Variants in SPG11 observed in about 807,000 individuals in gnomAD.
The protein encoded by SPG11 is spatacsin.
SPG11 carries 222 observed loss-of-function variants against 274.0 expected under a neutral mutation model. The observed-to-expected ratio is 0.81, with a 90% confidence interval of 0.73 to 0.91. The LOEUF (loss-of-function observed/expected upper bound fraction) is 0.91, where lower values mean the gene tolerates loss of function less well. SPG11 is among the 40% of genes least tolerant of loss of function. SPG11 has a pLI of 0.00. For missense variants in SPG11, 3,114 were observed against 2,872.7 expected (o/e 1.08, Z -1.92); for synonymous variants, 1,144 against 1,039.7 (o/e 1.10, Z -1.93).
rs531032784 is a variant in SPG11 at position 44,585,855 on chromosome 15, G to A, written c.4907-5C>T. 46 of 1,613,190 alleles carry A rather than the reference G, an allele frequency of 2.9e-5. No individual in the cohort carries two copies. In the South Asian group the frequency reaches 4.6e-4, roughly 16 times the overall value. ...AAAGCTTTTTCACATCTGGACCTGTGCCAAAGAGAAAAGGATATAAACATT... is the reference window on the plus strand; with the variant it reads ...AAAGCTTTTTCACATCTGGACCTGTACCAAAGAGAAAAGGATATAAACATT... On this transcript the variant is annotated splice_polypyrimidine_tract_variant and splice_region_variant and intron_variant, in intron 28 of 39. Transcript: ENST00000261866.
intron 26 of SPG11, among the ~76,000 whole-genome samples, chr15:44,594,233 T>C (rs1473551755): frequency 1.3e-5 from 2 of 150,822 alleles, no homozygotes; most frequent in African/African-American, 2.4e-5. Flanking sequence ...GAGACCAGCC[T>C]GGCCAACATG....
At chr15:44,586,724 T>A (rs78843364) in intron 28 of SPG11, among the ~76,000 whole-genome samples, 3 of 152,190 alleles carry the variant, frequency 2.0e-5, no homozygotes, top group Admixed American at 6.5e-5. Context: ...CAGAGGTTGG[T>A]GGCCTTCAAT....
chr15:44,632,994 G>A (rs2084116102), intron 8 of SPG11, among the ~76,000 whole-genome samples: 4 of 152,030 alleles, frequency 2.6e-5, no homozygotes, highest in Admixed American at 6.6e-5. Context: ...AAAGATATGA[G>A]CAATAAATAC....
chr15:44,628,154 T>C (rs866086520), intron 10 of SPG11, among the ~76,000 whole-genome samples: 9 of 152,232 alleles, frequency 5.9e-5, no homozygotes, highest in Admixed American at 2.0e-4. Context: ...AGTTGTATTA[T>C]AACTTTTACT....
At chr15:44,625,335 TG>T (rs1436777474) in intron 11 of SPG11, among the ~76,000 whole-genome samples, 1 of 152,150 alleles carries the variant, frequency 6.6e-6, no homozygotes, top group African/African-American at 2.4e-5. Flanking sequence ...TTTGGATCTG[TG>T]CCCCTGCCCA....
rs139399250 is a variant in SPG11, at chr15:44,620,260, C to T, written c.2764G>A (p.Val922Ile). 72 of 1,613,934 alleles carry T rather than the reference C, an allele frequency of 4.5e-5. No individual in the cohort carries two copies. Among genetic ancestry groups the T allele is most frequent in the Non-Finnish European group, 6.0e-5 (71 of 1,180,014 alleles). The change falls in exon 15 of 40, where the codon GTT becomes ATT. Residue 922 changes from valine (V) to isoleucine (I), a missense_variant. Val to Ile is a conservative substitution (Grantham distance 29). Transcript: ENST00000261866. ...LQQNKWPLLT[V>I]DVINQNTSCN... ...GAAGTATTCTGGTTAATAACATCAA[C>T]AGTCAGAAGGGGCCATTTGTTCTGC...
At chr15:44,638,630 A>C (rs2084351978) in intron 7 of SPG11, among the ~76,000 whole-genome samples, 1 of 152,154 alleles carries the variant, frequency 6.6e-6, no homozygotes, top group African/African-American at 2.4e-5. Flanking sequence ...TTTAGGGCAC[A>C]AAGGAGCTCC....
In SPG11 at chr15:44,563,293, T is replaced by G. The variant is rs2082232957; in HGVS notation, c.7160A>C (p.Gln2387Pro). 1.2e-6 allele frequency: 2 copies of G among 1,612,658 alleles called. No individual in the cohort carries two copies. Among genetic ancestry groups the G allele is most frequent in the African/African-American group, 1.3e-5 (1 of 74,752 alleles). ...CATGACCATGTCAGTAGGCTGATGT[T>G]GTTTATATCTAGATAAAGAAACATA... ...IFEEISKKYK[Q>P]HQPTDMVMEN... Residue 2387 changes from glutamine (Q) to proline (P), a missense_variant, in exon 40 of 40, where the codon CAA becomes CCA. Transcript: ENST00000261866.
Position 44,625,589 on chromosome 15 carries a change from C to T in SPG11, c.2244+742G>A, listed in dbSNP as rs181876530. 7.9e-5 allele frequency among the ~76,000 whole-genome samples: 12 copies of T among 152,306 alleles called. No individual in the cohort carries two copies. In the East Asian group the frequency reaches 2.3e-3, roughly 29 times the overall value. On this transcript the variant is annotated intron_variant, in intron 11 of 39. Coordinates refer to ENST00000261866, the MANE Select transcript of SPG11 (RefSeq NM_025137.4). ...GACTGTAAGTTTCCTGAGGCCTCCC[C>T]AGCCATGCTTCTTGTATAGCCTGTG...
intron 6 of SPG11, among the ~76,000 whole-genome samples, 180 bp from the exon 7 acceptor site, chr15:44,649,191 C>T (rs781201099): frequency 2.0e-5 from 3 of 151,580 alleles, no homozygotes; most frequent in African/African-American, 7.3e-5. Flanking sequence ...TTTTTATAGG[C>T]GAGTTTTGTG....
chr15:44,563,792 T>C (rs1383036981), intron 39 of SPG11, among the ~76,000 whole-genome samples: 1 of 152,140 alleles, frequency 6.6e-6, no homozygotes, highest in African/African-American at 2.4e-5. Context: ...GTGCCCACCT[T>C]AGGATACTGT....
intron 10 of SPG11, 148 bp downstream of exon 10, chr15:44,628,521 T>C: frequency 1.3e-6 from 1 of 756,094 alleles, no homozygotes; most frequent in Non-Finnish European, 2.2e-6. Context: ...GAAGTCATAA[T>C]CAGAAATCCC....
At position 44,597,110 on chromosome 15, in the gene SPG11, C is replaced by CT. The variant is rs201600828; in HGVS notation, c.4002-168dup. 17,207 of 343,282 alleles carry CT rather than the reference C, an allele frequency of 0.05. 67 individuals are homozygous for CT. Among genetic ancestry groups the CT allele is most frequent in the East Asian group, 0.069 (985 of 14,354 alleles). The allele number at this position is 343,282 out of a possible 1,614,324, so 21.3% of individuals were successfully genotyped here. ...TAGGCTACTTTGAAAAAAGTAGATT[C>CT]TTTTTTTTTTTTTTTTTTTTGAGAC... On this transcript the variant is annotated intron_variant, in intron 23 of 39. Transcript: ENST00000261866.
At chr15:44,631,613 CAG>C (rs918312435) in intron 8 of SPG11, among the ~76,000 whole-genome samples, 2 of 146,820 alleles carry the variant, frequency 1.4e-5, no homozygotes, top group African/African-American at 5.0e-5. Context: ...TGAAGAGAGA[CAG>C]AATAATACAA....
At chr15:44,573,042 A>G (rs2082456744) in intron 32 of SPG11, among the ~76,000 whole-genome samples, 1 of 132,188 alleles carries the variant, frequency 7.6e-6, no homozygotes, top group Non-Finnish European at 1.5e-5. Flanking sequence ...GCTGGAGTGC[A>G]GTGGGGTGAT....
At chr15:44,644,401 C>T (rs559863612) in intron 7 of SPG11, among the ~76,000 whole-genome samples, 25 of 152,216 alleles carry the variant, frequency 1.6e-4, no homozygotes, top group African/African-American at 4.3e-4. Context: ...CCTCAACAAA[C>T]TAGGCATTGA....
At chr15:44,613,336 AATTT>A in intron 17 of SPG11, 90 bp downstream of exon 17, 1 of 856,370 alleles carries the variant, frequency 1.2e-6, no homozygotes, top group South Asian at 1.4e-5. Flanking sequence ...ACAGCCAAAT[AATTT>A]ATTTAAAAGA....
At chr15:44,563,419 A>C (rs113541778) in intron 39 of SPG11, 118 bp from the exon 40 acceptor site, 16 of 837,388 alleles carry the variant, frequency 1.9e-5, no homozygotes, top group African/African-American at 1.0e-4. Flanking sequence ...GCTCACTGCA[A>C]CCTCCACCTG....
chr15:44,620,455 TGTAACTCAACACTA>T, intron 14 of SPG11, 52 bp from the exon 15 acceptor site: 1 of 1,276,310 alleles, frequency 7.8e-7, no homozygotes, highest in Non-Finnish European at 1.1e-6. Context: ...TCTATTGACA[TGTAACTCAACACTA>T]AATTACTGAG....
Sources: allele counts gnomAD v4.1 joint callset (sites outside exome capture counted in the v4.1 genomes callset), GRCh38; gene constraint gnomAD v4.1.1; transcripts MANE v1.5; gene names NCBI Gene and HGNC (gene_info 2026-07-23, HGNC 2026-07-21).